Variants in SNTG1 observed in about 807,000 individuals in gnomAD.
The protein encoded by SNTG1 is gamma-1-syntrophin.
SNTG1 carries 39 observed loss-of-function variants against 74.7 expected under a neutral mutation model. That is an observed-to-expected ratio of 0.52 (90% CI 0.40 to 0.68). The LOEUF is 0.68. SNTG1 is among the 30% of genes least tolerant of loss of function. The probability of loss-of-function intolerance (pLI) is 0.00; values close to 1 mark genes in which losing one functional copy is unlikely to be tolerated. For missense variants in SNTG1, 685 were observed against 609.5 expected, an observed-to-expected ratio of 1.12 and a Z score of -1.30; for synonymous variants, 254 against 217.1, an observed-to-expected ratio of 1.17 and a Z score of -1.49.
intron 2 of SNTG1, among the ~76,000 whole-genome samples, chr8:50,183,272 C>T (rs1037026856): frequency 6.6e-5 from 10 of 152,150 alleles, no homozygotes; most frequent in African/African-American, 9.7e-5. Context: ...CTTACGCTTC[C>T]GCATTCACAC....
At chr8:50,602,963 G>A (rs553801662) in intron 13 of SNTG1, among the ~76,000 whole-genome samples, 1 of 144,050 alleles carries the variant, frequency 6.9e-6, no homozygotes, top group Non-Finnish European at 1.5e-5. Context: ...TCTGGCCTTT[G>A]GAAGTTTGAT....
chr8:50,652,328 A>G lies in SNTG1; in HGVS notation c.850-4581A>G, dbSNP rs532905275. Among the ~76,000 whole-genome samples the G allele has an allele frequency of 3.3e-5, 5 of 152,320 alleles. No individual in the cohort carries two copies. The South Asian group carries it at 1.0e-3, about 32-fold the overall frequency. ...TTTTGTTGAGTCAAGTGTCTTAAAC[A>G]TAATAAATTAAGCAGATTGTATTAA... On this transcript the variant is annotated intron_variant, in intron 13 of 18. Transcript: ENST00000642720.
At chr8:50,390,479 G>A (rs532089599) in intron 2 of SNTG1, among the ~76,000 whole-genome samples, 93 of 152,284 alleles carry the variant, frequency 6.1e-4, no homozygotes, top group African/African-American at 2.0e-3. Flanking sequence ...TAACTTTGTA[G>A]TATAGTTTGA....
At chr8:50,131,859 A>C (rs2081330079) in intron 1 of SNTG1, among the ~76,000 whole-genome samples, 1 of 152,004 alleles carries the variant, frequency 6.6e-6, no homozygotes, top group Admixed American at 6.6e-5. Flanking sequence ...CTTTATATAT[A>C]TACAATATAT....
chr8:50,447,263 T>TA (rs534041441), intron 5 of SNTG1, among the ~76,000 whole-genome samples: 6 of 151,984 alleles, frequency 3.9e-5, no homozygotes, highest in South Asian at 2.1e-4. Context: ...TCTATGCATT[T>TA]AAAAAAAATG....
At chr8:50,194,355 T>C (rs2083685817) in intron 2 of SNTG1, among the ~76,000 whole-genome samples, 1 of 152,124 alleles carries the variant, frequency 6.6e-6, no homozygotes, top group Non-Finnish European at 1.5e-5. Flanking sequence ...CTGCTTGATA[T>C]TGTTCTGTTC....
chr8:50,148,883 G>C (rs1390237431), intron 1 of SNTG1, among the ~76,000 whole-genome samples: 2 of 152,194 alleles, frequency 1.3e-5, no homozygotes, highest in Non-Finnish European at 2.9e-5. Flanking sequence ...CTTGATAGCA[G>C]CATGATTTAT....
At chr8:50,205,644 T>A (rs2084195168) in intron 2 of SNTG1, among the ~76,000 whole-genome samples, 1 of 152,222 alleles carries the variant, frequency 6.6e-6, no homozygotes. Flanking sequence ...TCCTTGCCCA[T>A]GCCTATGTCC....
chr8:50,422,240 C>T (rs151256207), intron 4 of SNTG1, among the ~76,000 whole-genome samples: 13 of 27,552 alleles, frequency 4.7e-4, no homozygotes, highest in Admixed American at 1.1e-3. Flanking sequence ...CCTTCAACAG[C>T]GATCTATCTA....
At chr8:50,773,008 C>A (rs1208249748) in intron 18 of SNTG1, among the ~76,000 whole-genome samples, 3 of 152,076 alleles carry the variant, frequency 2.0e-5, no homozygotes, top group East Asian at 3.9e-4. Flanking sequence ...CACCTTGGAC[C>A]TTTCAGTCAC....
intron 13 of SNTG1, among the ~76,000 whole-genome samples, chr8:50,643,674 A>T (rs1316677475): frequency 1.3e-5 from 2 of 152,232 alleles, no homozygotes; most frequent in Non-Finnish European, 2.9e-5. Flanking sequence ...TTACAGAAAT[A>T]TTAACACAGG....
At chr8:50,662,857 A>T (rs1251480803) in intron 15 of SNTG1, among the ~76,000 whole-genome samples, 1 of 152,140 alleles carries the variant, frequency 6.6e-6, no homozygotes, top group Non-Finnish European at 1.5e-5. Flanking sequence ...GGAATTGGTT[A>T]ACTGATTTGT....
intron 3 of SNTG1, among the ~76,000 whole-genome samples, chr8:50,400,629 G>A (rs75714669): frequency 6.6e-6 from 1 of 151,970 alleles, no homozygotes; most frequent in South Asian, 2.1e-4. Flanking sequence ...AGTGTGTAAG[G>A]GTTCACTTTT....
intron 9 of SNTG1, among the ~76,000 whole-genome samples, chr8:50,528,374 T>G (rs940116897): frequency 2.0e-5 from 3 of 151,952 alleles, no homozygotes; most frequent in Non-Finnish European, 4.4e-5. Context: ...GATGGTGAAT[T>G]TTCTCAAATA....
At chr8:50,142,619 G>A (rs535527661) in intron 1 of SNTG1, among the ~76,000 whole-genome samples, 8 of 152,008 alleles carry the variant, frequency 5.3e-5, no homozygotes, top group Non-Finnish European at 1.0e-4. Context: ...GAAGAGATAA[G>A]GTTTTGTTAA....
chr8:50,555,710 A>C (rs1298286804), intron 12 of SNTG1, among the ~76,000 whole-genome samples: 1 of 152,186 alleles, frequency 6.6e-6, no homozygotes. Context: ...ATATTTAAAG[A>C]AATTCCACTC....
chr8:49,995,906 TATGCATCCATATCTTTAAGC>T (rs1814165009), intron 1 of SNTG1, among the ~76,000 whole-genome samples: 5 of 152,204 alleles, frequency 3.3e-5, no homozygotes, highest in African/African-American at 1.2e-4. Context: ...ATTTGATGCC[TATGCATCCATATCTTTAAGC>T]ATAAAAACTG....
intron 13 of SNTG1, among the ~76,000 whole-genome samples, chr8:50,632,759 A>G (rs1159771091): frequency 6.6e-6 from 1 of 152,240 alleles, no homozygotes; most frequent in East Asian, 1.9e-4. Flanking sequence ...TCCCAAACCA[A>G]AATTCTGAAG....
At chr8:49,914,114 TAATGCCTACC>T (rs1805816006) in intron 1 of SNTG1, among the ~76,000 whole-genome samples, 1 of 151,948 alleles carries the variant, frequency 6.6e-6, no homozygotes. Context: ...GAAAGCAACT[TAATGCCTACC>T]AATGCTAATC....
Sources: allele counts gnomAD v4.1 joint callset (sites outside exome capture counted in the v4.1 genomes callset), GRCh38; gene constraint gnomAD v4.1.1; transcripts MANE v1.5; gene names NCBI Gene and HGNC (gene_info 2026-07-23, HGNC 2026-07-21).